Variants in EVC2 observed in about 807,000 individuals in gnomAD.
EVC2 encodes EvC ciliary complex subunit 2, also known as limbin.
A neutral mutation model predicts 149.3 loss-of-function variants in EVC2; 148 were observed. The ratio of observed to expected loss-of-function variants is 0.99; its 90% confidence interval spans 0.87 to 1.14. The LOEUF is 1.14. Among genes scored for constraint, EVC2 ranks in the 50% most tolerant of loss-of-function variants. EVC2 has a pLI of 0.00. For missense variants in EVC2, 1,854 were observed against 1,627.3 expected (o/e 1.14, Z -2.40); for synonymous variants, 776 against 649.9 (o/e 1.19, Z -2.95).
intron 17 of EVC2, among the ~76,000 whole-genome samples, chr4:5,580,413 G>C (rs1037501114): frequency 6.6e-6 from 1 of 152,200 alleles, no homozygotes; most frequent in Admixed American, 6.5e-5. Context: ...ACTCAAAAGA[G>C]TTTTAGGATA....
At chr4:5,593,512 AC>A (rs1234738347) in intron 16 of EVC2, among the ~76,000 whole-genome samples, 4 of 152,220 alleles carry the variant, frequency 2.6e-5, no homozygotes, top group African/African-American at 9.6e-5. Flanking sequence ...TTGCACCCAA[AC>A]ATTGGGAGAA....
At chr4:5,688,862 T>A (rs1429349760) in intron 5 of EVC2, among the ~76,000 whole-genome samples, 1 of 152,238 alleles carries the variant, frequency 6.6e-6, no homozygotes, top group Non-Finnish European at 1.5e-5. Context: ...TTGTGCATGT[T>A]TGAAATTTTT....
chr4:5,653,761 A>G (rs1577211471), intron 9 of EVC2, among the ~76,000 whole-genome samples: 1 of 152,196 alleles, frequency 6.6e-6, no homozygotes. Context: ...TCTTCTCTCA[A>G]TGTTTCTATA....
chr4:5,636,822 T>C lies in EVC2; in HGVS notation c.1470+3692A>G, dbSNP rs978412843. 5.9e-5 allele frequency among the ~76,000 whole-genome samples: 9 copies of C among 152,234 alleles called. No homozygotes were observed. The highest frequency in any genetic ancestry group is 2.9e-5 in the Non-Finnish European group (2 of 68,046). ...ATCCAAAATATTTTTATGTATTTTA[T>C]TTAAAGATGACTATAACACATGATG... On this transcript the variant is annotated intron_variant, in intron 10 of 21. Coordinates refer to ENST00000344408, the MANE Select transcript of EVC2 (RefSeq NM_147127.5). This position sits in a 1 kb window ranked among gnomAD's most constrained non-coding sequence, Gnocchi z 4.6.
At chr4:5,596,077 C>T (rs1220997181) in intron 16 of EVC2, among the ~76,000 whole-genome samples, 1 of 152,102 alleles carries the variant, frequency 6.6e-6, no homozygotes, top group African/African-American at 2.4e-5. Context: ...AGCAAGTCCT[C>T]AGTGACCTAC....
At chr4:5,592,641 T>G (rs1291545419) in intron 16 of EVC2, among the ~76,000 whole-genome samples, 1 of 152,074 alleles carries the variant, frequency 6.6e-6, no homozygotes, top group Non-Finnish European at 1.5e-5. Context: ...AACTCAGGAG[T>G]TGGGCAAGTG....
intron 16 of EVC2, among the ~76,000 whole-genome samples, chr4:5,590,662 G>C (rs767161557): frequency 1.3e-5 from 2 of 151,806 alleles, no homozygotes; most frequent in Non-Finnish European, 2.9e-5. Context: ...AGGATGCTCA[G>C]TGAGGGTTTT....
At chr4:5,565,058 A>T (rs1273950181) in intron 21 of EVC2, among the ~76,000 whole-genome samples, 200 bp downstream of exon 21, 1 of 152,236 alleles carries the variant, frequency 6.6e-6, no homozygotes, top group Non-Finnish European at 1.5e-5. Context: ...TGTTGAGAAC[A>T]TTCTCTCACT....
the EVC2 span, among the ~76,000 whole-genome samples, chr4:5,534,820 A>T: frequency 9.6e-6 from 1 of 103,854 alleles, no homozygotes; most frequent in Non-Finnish European, 1.8e-5. Context: ...TCTGGTAGGA[A>T]AAAAAAAAAA....
At chr4:5,577,127 A>G (rs1722978664) in intron 17 of EVC2, among the ~76,000 whole-genome samples, 1 of 152,214 alleles carries the variant, frequency 6.6e-6, no homozygotes, top group East Asian at 1.9e-4. Flanking sequence ...TACATACTCT[A>G]AGTTCTCTTG....
Position 5,614,175 on chromosome 4 carries a change from T to C in EVC2, c.2829+1247A>G, listed in dbSNP as rs544782447. ...AGCAGCACCTTTGCAGAGGAGACCC[T>C]GCCTCCTCTCCTACCTACAGTCCAC... On this transcript the variant is annotated intron_variant, in intron 16 of 21. Transcript: ENST00000344408. This position sits in a 1 kb window ranked among gnomAD's most constrained non-coding sequence, Gnocchi z 4.7. Among the ~76,000 whole-genome samples the C allele has an allele frequency of 2.0e-5, 3 of 152,174 alleles. No individual in the cohort carries two copies. Among genetic ancestry groups the C allele is most frequent in the Non-Finnish European group, 4.4e-5 (3 of 68,028 alleles).
intron 9 of EVC2, among the ~76,000 whole-genome samples, chr4:5,654,516 C>T (rs946267513): frequency 3.3e-5 from 5 of 152,220 alleles, no homozygotes; most frequent in Non-Finnish European, 7.3e-5. Flanking sequence ...TGCTCACCTG[C>T]CCTTTCTTTG....
intron 9 of EVC2, among the ~76,000 whole-genome samples, chr4:5,658,140 A>T (rs539365939): frequency 3.9e-5 from 6 of 152,090 alleles, no homozygotes; most frequent in African/African-American, 1.4e-4. Flanking sequence ...AAAAACCAAG[A>T]CTCTTACTTG....
In EVC2 at chr4:5,565,263, C is replaced by T. The variant is rs770129558; in HGVS notation, c.3654G>A (p.Lys1218=). ...LEKMLWARKR[K]QSILKKTCLP... is the part of the protein sequence containing the mutation. ...GAGCAGGTGCCCATCATTACCTCTGCTTTCTCTTGCGGGCCCACAGCATCT... is the reference window on the plus strand; with the variant it reads ...GAGCAGGTGCCCATCATTACCTCTGTTTTCTCTTGCGGGCCCACAGCATCT... The change falls in exon 21 of 22, where the codon AAG becomes AAA. Residue 1218 remains lysine, a synonymous_variant. Coordinates refer to ENST00000344408, the MANE Select transcript of EVC2 (RefSeq NM_147127.5). 25 of 1,613,850 alleles carry T rather than the reference C, an allele frequency of 1.5e-5. 1 individual carries two copies. The highest frequency in any genetic ancestry group is 1.1e-4 in the South Asian group (10 of 91,072).
rs969532703 is a variant in EVC2, at chr4:5,638,490, A to G, written c.1470+2024T>C. On this transcript the variant is annotated intron_variant, in intron 10 of 21. Transcript: ENST00000344408. ...AATCACCGAACAGTGCATTCAATAC[A>G]TTCTTCCTAAGGGCTCGGCTCAAGG... Among the ~76,000 whole-genome samples the G allele has an allele frequency of 5.3e-5, 8 of 152,144 alleles. No individual in the cohort carries two copies. In the East Asian group the frequency reaches 1.5e-3, roughly 29 times the overall value.
intron 20 of EVC2, among the ~76,000 whole-genome samples, chr4:5,568,059 TCACA>T (rs1488273099): frequency 6.6e-6 from 1 of 152,090 alleles, no homozygotes; most frequent in Non-Finnish European, 1.5e-5. Context: ...CACAACACAC[TCACA>T]CATTTACATA....
At chr4:5,665,670 C>G (rs544016148) in intron 7 of EVC2, 21 bp from the exon 8 acceptor site, 1 of 1,613,310 alleles carries the variant, frequency 6.2e-7, no homozygotes, top group African/African-American at 1.3e-5. Context: ...AAGAGGAGAG[C>G]AGGATTCATG....
At chr4:5,582,023 A>T (rs1711844281) in intron 17 of EVC2, among the ~76,000 whole-genome samples, 1 of 152,214 alleles carries the variant, frequency 6.6e-6, no homozygotes, top group Non-Finnish European at 1.5e-5. Context: ...TATATGGAAA[A>T]GTCACAATGT....
At chr4:5,623,683 G>A (rs986582438) in intron 13 of EVC2, among the ~76,000 whole-genome samples, 2 of 152,104 alleles carry the variant, frequency 1.3e-5, no homozygotes, top group Admixed American at 6.5e-5. Context: ...ATCCCTATGT[G>A]TTCACCATTC....
Sources: gnomAD v4.1 joint callset for allele counts (sites outside exome capture counted in the v4.1 genomes callset) on GRCh38, gnomAD v4.1.1 for gene constraint, Gnocchi (gnomAD v3.1) non-coding constraint, MANE v1.5 for transcripts, NCBI Gene and HGNC (gene_info 2026-07-23, HGNC 2026-07-21) for gene names.